The following TRAPPC9 variants were observed in gnomAD, a reference collection of about 807,000 sequenced individuals.
The protein encoded by TRAPPC9 is IKK2 binding protein.
In TRAPPC9, 83 loss-of-function variants were observed where a neutral mutation model predicts 124.0. The ratio of observed to expected loss-of-function variants is 0.67; its 90% CI spans 0.56 to 0.80. The LOEUF (loss-of-function observed/expected upper bound fraction) is 0.80. TRAPPC9 is among the 30% of genes least tolerant of loss of function. The pLI, the probability that TRAPPC9 is intolerant of heterozygous loss-of-function variation, is 0.00. For missense variants in TRAPPC9, 1,302 were observed against 1,508.3 expected, an observed-to-expected ratio of 0.86 and a Z score of 2.27; for synonymous variants, 638 against 617.5, an observed-to-expected ratio of 1.03 and a Z score of -0.49.
chr8:140,085,081 G>A (rs1282478860), intron 17 of TRAPPC9, among the ~76,000 whole-genome samples: 1 of 152,184 alleles, frequency 6.6e-6, no homozygotes, highest in Non-Finnish European at 1.5e-5. Flanking sequence ...TGGGGGTGCA[G>A]GGAGAGCACA....
chr8:139,955,319 T>G (rs992169435), intron 19 of TRAPPC9, among the ~76,000 whole-genome samples: 1 of 152,102 alleles, frequency 6.6e-6, no homozygotes, highest in Non-Finnish European at 1.5e-5. Context: ...TTCAGGAGCC[T>G]GATCATCTCC....
At chr8:140,007,239 A>T (rs997419709) in intron 18 of TRAPPC9, among the ~76,000 whole-genome samples, 5 of 152,354 alleles carry the variant, frequency 3.3e-5, no homozygotes, top group African/African-American at 1.2e-4. Context: ...GAACGCACGT[A>T]ATCAGGGGCA....
intron 18 of TRAPPC9, among the ~76,000 whole-genome samples, chr8:140,021,225 T>G (rs1839820212): frequency 6.6e-6 from 1 of 152,246 alleles, no homozygotes; most frequent in South Asian, 2.1e-4. Context: ...GGGTTAAGTA[T>G]TTTTAAATAT....
chr8:140,047,103 C>G (rs1441164315), intron 17 of TRAPPC9, among the ~76,000 whole-genome samples: 1 of 152,214 alleles, frequency 6.6e-6, no homozygotes, highest in African/African-American at 2.4e-5. Flanking sequence ...TAGCCCAACC[C>G]TGCCTGGGCC....
At chr8:140,090,058 G>A (rs761020230) in intron 17 of TRAPPC9, among the ~76,000 whole-genome samples, 4 of 151,924 alleles carry the variant, frequency 2.6e-5, no homozygotes, top group African/African-American at 7.3e-5. Flanking sequence ...CCAGCCTGGC[G>A]ACAGAGCGAG....
At chr8:139,829,433 C>A (rs746870613) in intron 21 of TRAPPC9, among the ~76,000 whole-genome samples, 1 of 152,256 alleles carries the variant, frequency 6.6e-6, no homozygotes, top group Admixed American at 6.5e-5. Context: ...CGTTCCACCA[C>A]CTGACATGGG....
intron 21 of TRAPPC9, among the ~76,000 whole-genome samples, chr8:139,734,239 C>G (rs1348645877): frequency 6.6e-6 from 1 of 152,232 alleles, no homozygotes; most frequent in Non-Finnish European, 1.5e-5. Flanking sequence ...CATCAGTGCT[C>G]TCCATAGCCC....
chr8:139,934,434 C>CA (rs1833386310), intron 19 of TRAPPC9, among the ~76,000 whole-genome samples: 1 of 152,312 alleles, frequency 6.6e-6, no homozygotes, highest in East Asian at 1.9e-4. Context: ...TTTGCACAGA[C>CA]AATGGAAAAC....
intron 17 of TRAPPC9, among the ~76,000 whole-genome samples, chr8:140,199,901 TAAAAG>T (rs1410106267): frequency 1.3e-5 from 2 of 152,102 alleles, no homozygotes; most frequent in Non-Finnish European, 2.9e-5. Flanking sequence ...GGGCTAAAGA[TAAAAG>T]GAACTGCATA....
chr8:139,982,083 G>A (rs550874539), intron 19 of TRAPPC9, among the ~76,000 whole-genome samples: 1 of 152,300 alleles, frequency 6.6e-6, no homozygotes, highest in African/African-American at 2.4e-5. Flanking sequence ...AATTTCAATG[G>A]TTTGATAATT....
intron 5 of TRAPPC9, among the ~76,000 whole-genome samples, chr8:140,423,647 CAT>C (rs1345735683): frequency 8.0e-6 from 1 of 125,232 alleles, no homozygotes; most frequent in Non-Finnish European, 1.8e-5. Context: ...ATATATAACA[CAT>C]ATACATACAC....
chr8:140,031,405 T>C (rs1168501613), intron 17 of TRAPPC9, among the ~76,000 whole-genome samples: 2 of 152,206 alleles, frequency 1.3e-5, no homozygotes, highest in East Asian at 3.8e-4. Context: ...ACTAACACTA[T>C]TGTCAGAGAA....
At chr8:140,391,676 C>A (rs2068927425) in intron 7 of TRAPPC9, among the ~76,000 whole-genome samples, 2 of 145,850 alleles carry the variant, frequency 1.4e-5, no homozygotes, top group African/African-American at 5.2e-5. Context: ...CGTGCCATTG[C>A]ACTCTAGCCT....
At chr8:140,264,914 TGG>T (rs1391492526) in intron 15 of TRAPPC9, among the ~76,000 whole-genome samples, 2 of 152,124 alleles carry the variant, frequency 1.3e-5, no homozygotes, top group Non-Finnish European at 2.9e-5. Context: ...GACTGGATCC[TGG>T]TAAGTATCCA....
At chr8:140,265,695 T>C (rs1221893473) in intron 15 of TRAPPC9, among the ~76,000 whole-genome samples, 1 of 152,188 alleles carries the variant, frequency 6.6e-6, no homozygotes, top group South Asian at 2.1e-4. Flanking sequence ...TCAGAAATAA[T>C]AGTCATTATT....
intron 11 of TRAPPC9, among the ~76,000 whole-genome samples, chr8:140,293,353 T>C (rs1226912319): frequency 6.6e-6 from 1 of 151,702 alleles, no homozygotes; most frequent in Non-Finnish European, 1.5e-5. Flanking sequence ...GACCCAGCCA[T>C]CCCATTACTG....
At chr8:140,421,506 T>C (rs767106263) in intron 5 of TRAPPC9, among the ~76,000 whole-genome samples, 4 of 152,204 alleles carry the variant, frequency 2.6e-5, no homozygotes, top group Non-Finnish European at 5.9e-5. Context: ...GCTTTTTCTA[T>C]ACATCTGAGA....
intron 12 of TRAPPC9, among the ~76,000 whole-genome samples, chr8:140,288,618 A>C (rs62527539): frequency 0.12 from 18,877 of 152,216 alleles, 1,515 homozygotes; most frequent in African/African-American, 0.22. Flanking sequence ...AATTACTCAC[A>C]GAAAACAAAA....
At chr8:140,219,326 C>T (rs1489734119) in intron 17 of TRAPPC9, among the ~76,000 whole-genome samples, 1 of 152,240 alleles carries the variant, frequency 6.6e-6, no homozygotes, top group Non-Finnish European at 1.5e-5. Flanking sequence ...CTCCAAGACC[C>T]TAGTTCCCCT....
Sources: gnomAD v4.1 joint callset for allele counts (sites outside exome capture counted in the v4.1 genomes callset) on GRCh38, gnomAD v4.1.1 for gene constraint, MANE v1.5 for transcripts, NCBI Gene and HGNC (gene_info 2026-07-23, HGNC 2026-07-21) for gene names.